Variants in COMMD1 observed in about 807,000 individuals in gnomAD.
The protein encoded by COMMD1 is COMM domain-containing protein 1.
COMMD1 carries 10 observed loss-of-function variants against 17.2 expected under a neutral mutation model. The observed-to-expected ratio is 0.58, with a 90% CI of 0.36 to 0.99. COMMD1 has a LOEUF of 0.99. COMMD1 is among the 50% of genes least tolerant of loss of function. The probability of loss-of-function intolerance (pLI) is 0.01; values close to 1 mark genes in which losing one functional copy is unlikely to be tolerated. For missense variants in COMMD1, 270 were observed against 231.8 expected, an observed-to-expected ratio of 1.17 and a Z score of -1.07; for synonymous variants, 97 against 91.6, an observed-to-expected ratio of 1.06 and a Z score of -0.34.
intron 2 of COMMD1, among the ~76,000 whole-genome samples, chr2:62,039,716 A>G (rs1452271711): frequency 6.6e-6 from 1 of 152,186 alleles, no homozygotes; most frequent in Non-Finnish European, 1.5e-5. Flanking sequence ...GCCAGGTAGT[A>G]TTTTCTATCT....
chr2:62,050,580 G>T (rs1189608764), intron 2 of COMMD1, among the ~76,000 whole-genome samples: 1 of 152,132 alleles, frequency 6.6e-6, no homozygotes, highest in Non-Finnish European at 1.5e-5. Context: ...ATTCAGCCTT[G>T]AATAATTCTT....
intron 1 of COMMD1, among the ~76,000 whole-genome samples, chr2:61,931,925 T>C (rs1365175088): frequency 1.3e-5 from 2 of 152,330 alleles, no homozygotes; most frequent in South Asian, 4.1e-4. Flanking sequence ...GAACTTTGCA[T>C]TTGAGGATGG....
chr2:62,121,150 A>C (rs972159179), intron 2 of COMMD1, among the ~76,000 whole-genome samples: 1 of 152,036 alleles, frequency 6.6e-6, no homozygotes, highest in African/African-American at 2.4e-5. Context: ...CAGGCAGATC[A>C]CTTGAGTTCA....
At chr2:62,011,934 A>G (rs1669289454) in intron 2 of COMMD1, among the ~76,000 whole-genome samples, 2 of 152,314 alleles carry the variant, frequency 1.3e-5, no homozygotes, top group East Asian at 1.9e-4. Flanking sequence ...AGAGTTTATG[A>G]ACATATCTTT....
At chr2:61,995,990 A>C (rs1412995729) in intron 1 of COMMD1, among the ~76,000 whole-genome samples, 2 of 152,216 alleles carry the variant, frequency 1.3e-5, no homozygotes, top group Admixed American at 6.5e-5. Flanking sequence ...TGTTTATACT[A>C]TACCATACCA....
intron 1 of COMMD1, among the ~76,000 whole-genome samples, chr2:61,997,301 A>G (rs1448415498): frequency 1.3e-5 from 2 of 151,944 alleles, no homozygotes; most frequent in East Asian, 1.9e-4. Flanking sequence ...GGCTCAAGCA[A>G]TCTGCCCACC....
intron 2 of COMMD1, among the ~76,000 whole-genome samples, chr2:62,075,476 T>G (rs1380226623): frequency 3.3e-5 from 5 of 152,150 alleles, no homozygotes; most frequent in African/African-American, 1.2e-4. Context: ...TAAAAGCCCA[T>G]CTATAATGTA....
At chr2:62,029,904 GA>G (rs1424681716) in intron 2 of COMMD1, among the ~76,000 whole-genome samples, 1 of 152,134 alleles carries the variant, frequency 6.6e-6, no homozygotes, top group African/African-American at 2.4e-5. Context: ...TGATTAATAG[GA>G]AAAAAGGCAT....
In COMMD1 at chr2:62,045,559, C is replaced by CTT. The variant is rs756748901; in HGVS notation, c.462+44590_462+44591dup. The stretch of plus-strand genomic sequence containing the variant: ...TATTATCATGCTTACTTTCCTTCTT[C>CTT]TTTTTTTTTTTTTTGTATTTTTAGT... On this transcript the variant is annotated intron_variant, in intron 2 of 2. Coordinates refer to ENST00000311832, the MANE Select transcript of COMMD1 (RefSeq NM_152516.4). Among the ~76,000 whole-genome samples, 29 of 138,696 alleles carry CTT rather than the reference C, an allele frequency of 2.1e-4. No individual in the cohort carries two copies. The East Asian group carries it at 3.6e-3, about 17-fold the overall frequency. 91.0% of individuals were successfully genotyped at this position (138,696 alleles called of 152,430 possible). A position where few individuals can be genotyped will look rare whatever the true frequency, so the allele number is the denominator to read the frequency against.
At chr2:62,102,859 T>C (rs1050052180) in intron 2 of COMMD1, among the ~76,000 whole-genome samples, 1 of 152,240 alleles carries the variant, frequency 6.6e-6, no homozygotes, top group Non-Finnish European at 1.5e-5. Flanking sequence ...AAGGAATGCA[T>C]GCTCAGAGAG....
intron 2 of COMMD1, among the ~76,000 whole-genome samples, chr2:62,058,769 A>G (rs892054652): frequency 7.2e-5 from 11 of 152,148 alleles, no homozygotes; most frequent in Non-Finnish European, 8.8e-5. Flanking sequence ...TTAAATAACA[A>G]CACATTTTCT....
At chr2:61,910,002 A>AAT (rs1268334993) in intron 1 of COMMD1, among the ~76,000 whole-genome samples, 1 of 152,158 alleles carries the variant, frequency 6.6e-6, no homozygotes, top group African/African-American at 2.4e-5. Context: ...GAGCCCTCCT[A>AAT]TCCTACTTGA....
At chr2:62,053,932 A>C (rs1573121927) in intron 2 of COMMD1, among the ~76,000 whole-genome samples, 1 of 152,366 alleles carries the variant, frequency 6.6e-6, no homozygotes, top group South Asian at 2.1e-4. Flanking sequence ...GAATGGAAGA[A>C]AATATTTGCA....
chr2:61,953,211 T>C (rs1225269564), intron 1 of COMMD1, among the ~76,000 whole-genome samples: 3 of 152,024 alleles, frequency 2.0e-5, no homozygotes, highest in African/African-American at 7.2e-5. Flanking sequence ...GGTTTCACCT[T>C]GTGGGCCAGG....
At chr2:61,982,975 G>A (rs185519673) in intron 1 of COMMD1, among the ~76,000 whole-genome samples, 1 of 152,126 alleles carries the variant, frequency 6.6e-6, no homozygotes, top group African/African-American at 2.4e-5. Flanking sequence ...TGGCATGTAG[G>A]TTTCCTTTTT....
At chr2:62,008,305 C>T (rs1213762909) in intron 2 of COMMD1, among the ~76,000 whole-genome samples, 4 of 152,080 alleles carry the variant, frequency 2.6e-5, no homozygotes, top group Non-Finnish European at 5.9e-5. Flanking sequence ...GGGGAAGCAG[C>T]AAAGTTGCGT....
At chr2:61,955,806 C>T (rs768016891) in intron 1 of COMMD1, among the ~76,000 whole-genome samples, 20 of 152,176 alleles carry the variant, frequency 1.3e-4, no homozygotes, top group Non-Finnish European at 2.5e-4. Flanking sequence ...CTGCCTCAGC[C>T]TCCCTAGTAG....
At chr2:62,044,903 T>C (rs1012242514) in intron 2 of COMMD1, among the ~76,000 whole-genome samples, 3 of 151,892 alleles carry the variant, frequency 2.0e-5, no homozygotes, top group Non-Finnish European at 4.4e-5. Context: ...TCTATCATCA[T>C]AGTTTTATTA....
At chr2:62,068,685 C>T (rs1671120679) in intron 2 of COMMD1, among the ~76,000 whole-genome samples, 1 of 141,522 alleles carries the variant, frequency 7.1e-6, no homozygotes, top group South Asian at 2.2e-4. Context: ...AGTGCAGTGG[C>T]GCGATCTCGG....
Sources: allele counts gnomAD v4.1 joint callset (sites outside exome capture counted in the v4.1 genomes callset), GRCh38; gene constraint gnomAD v4.1.1; transcripts MANE v1.5; gene names NCBI Gene and HGNC (gene_info 2026-07-23, HGNC 2026-07-21).